The following RGR variants were observed in gnomAD, a reference collection of about 807,000 sequenced individuals.
RGR encodes RPE-retinal G protein-coupled receptor.
In RGR, 30 loss-of-function variants were observed where a neutral mutation model predicts 28.6. The observed-to-expected ratio is 1.05, with a 90% CI of 0.78 to 1.42. RGR has a LOEUF of 1.42. Among genes scored for constraint, RGR ranks in the 40% most tolerant of loss-of-function variants. The probability of loss-of-function intolerance (pLI) is 0.00; values close to 1 mark genes in which losing one functional copy is unlikely to be tolerated. For synonymous variants in RGR, 180 were observed against 156.4 expected, an observed-to-expected ratio of 1.15 and a Z score of -1.13; for missense variants, 404 against 375.6, an observed-to-expected ratio of 1.08 and a Z score of -0.62.
At chr10:84,249,973 T>C (rs1301775197) in intron 3 of RGR, among the ~76,000 whole-genome samples, 1 of 152,220 alleles carries the variant, frequency 6.6e-6, no homozygotes, top group Non-Finnish European at 1.5e-5. Context: ...AGGTTTAATG[T>C]TCTTATAATT....
intron 5 of RGR, 78 bp downstream of exon 5, chr10:84,254,521 A>C: frequency 8.5e-7 from 1 of 1,177,452 alleles, no homozygotes; most frequent in East Asian, 2.3e-5. Flanking sequence ...AAAGAATTGG[A>C]TGTGACACAC....
In RGR at chr10:84,258,025, C is replaced by A; in HGVS notation, c.744+19C>A. 2 of 1,578,892 alleles carry A rather than the reference C, an allele frequency of 1.3e-6. No individual in the cohort carries two copies. Among genetic ancestry groups the A allele is most frequent in the Non-Finnish European group, 1.7e-6 (2 of 1,148,092 alleles). The stretch of plus-strand genomic sequence containing the variant: ...GCAGATGGTACAGATACTTCTAGTA[C>A]CTAAAACTAGACCCCTCTCCATCTT... On this transcript the variant is annotated intron_variant, in intron 6 of 6. Transcript: ENST00000652092.
At chr10:84,248,895 G>A in intron 2 of RGR, 27 bp from the exon 3 acceptor site, 1 of 1,614,212 alleles carries the variant, frequency 6.2e-7, no homozygotes, top group Non-Finnish European at 8.5e-7. Flanking sequence ...CGGAGGAGAG[G>A]TCACTGGTGC....
intron 3 of RGR, among the ~76,000 whole-genome samples, chr10:84,251,942 A>G (rs1191458766): frequency 6.6e-6 from 1 of 152,198 alleles, no homozygotes. Flanking sequence ...GGTTGTAGAC[A>G]TGCTCTTCTC....
At chr10:84,255,845 T>C (rs1384318017) in intron 5 of RGR, among the ~76,000 whole-genome samples, 16 of 146,932 alleles carry the variant, frequency 1.1e-4, no homozygotes, top group Admixed American at 9.5e-4. Context: ...CTGCCTCAGC[T>C]TCCCGAGTAC....
chr10:84,251,346 T>G (rs1842816089), intron 3 of RGR, among the ~76,000 whole-genome samples: 1 of 152,208 alleles, frequency 6.6e-6, no homozygotes, highest in South Asian at 2.1e-4. Context: ...TGTCTTAGTC[T>G]GCCCAGGCTC....
chr10:84,258,069 A>C (rs1027283779), intron 6 of RGR, 63 bp downstream of exon 6: 6 of 1,388,256 alleles, frequency 4.3e-6, no homozygotes, highest in Non-Finnish European at 6.1e-6. Context: ...GTCTCATCTC[A>C]TCTCACTTTC....
Position 84,259,160 on chromosome 10 carries a change from TA to T in RGR, c.*525del, listed in dbSNP as rs1265150720. 5.9e-6 allele frequency: 1 copy of T among 169,088 alleles called. No homozygotes were observed. The highest frequency in any genetic ancestry group is 1.3e-5 in the Non-Finnish European group (1 of 76,696). 10.5% of individuals were successfully genotyped at this position (169,088 alleles called of 1,614,324 possible). Reference sequence around the variant, plus strand: ...CTTTCTGTTTTTGAGTTATTTCACTTAAAATAATGACCTCCAGTTTCATCCA... The same window carrying T: ...CTTTCTGTTTTTGAGTTATTTCACTTAAATAATGACCTCCAGTTTCATCCA... On this transcript the variant is annotated 3_prime_UTR_variant, in exon 7 of 7. Transcript: ENST00000652092.
At chr10:84,253,486 A>T (rs550698964) in intron 4 of RGR, among the ~76,000 whole-genome samples, 1 of 152,292 alleles carries the variant, frequency 6.6e-6, no homozygotes, top group South Asian at 2.1e-4. Context: ...GACAGAATGC[A>T]TGAGGGTCCC....
At chr10:84,248,228 G>A (rs1428391939) in intron 2 of RGR, 10 of 1,226,498 alleles carry the variant, frequency 8.2e-6, no homozygotes, top group Admixed American at 3.2e-5. Context: ...GGCTCCTGGA[G>A]TGGAGGGACA....
At chr10:84,258,165 C>T (rs1259763604) in intron 6 of RGR, among the ~76,000 whole-genome samples, 159 bp downstream of exon 6, 1 of 152,152 alleles carries the variant, frequency 6.6e-6, no homozygotes. Flanking sequence ...AGTTTGCCCC[C>T]CTAATCCCCC....
At chr10:84,249,480 T>C (rs1342251014) in intron 3 of RGR, among the ~76,000 whole-genome samples, 1 of 152,110 alleles carries the variant, frequency 6.6e-6, no homozygotes, top group East Asian at 1.9e-4. Context: ...ACCTGGCTAA[T>C]TTTTGTATTT....
intron 2 of RGR, chr10:84,248,387 A>C: frequency 1.7e-5 from 4 of 241,320 alleles, no homozygotes; most frequent in South Asian, 6.8e-5. Context: ...GGACATTCTC[A>C]TTCTGGTTTT....
Position 84,258,719 on chromosome 10 carries a change from ACACT to A in RGR, c.*84_*87del. The A allele has an allele frequency of 6.3e-7, 1 of 1,596,332 alleles. No individual in the cohort carries two copies. Among genetic ancestry groups the A allele is most frequent in the South Asian group, 1.1e-5 (1 of 90,096 alleles). ...CAGCAGCCTCAGTGGCCAAGCCCAG[ACACT>A]CACCCACCTTCCCCAGTGGCCCCGT... On this transcript the variant is annotated 3_prime_UTR_variant, in exon 7 of 7. Transcript: ENST00000652092.
chr10:84,250,564 CAGAT>C, intron 3 of RGR: 1 of 654,424 alleles, frequency 1.5e-6, no homozygotes, highest in Non-Finnish European at 2.8e-6. Context: ...ACCACCTTCT[CAGAT>C]AGCAACAGGC....
intron 3 of RGR, chr10:84,250,667 T>C (rs1842805167): frequency 1.1e-5 from 6 of 524,056 alleles, no homozygotes; most frequent in Non-Finnish European, 2.1e-5. Context: ...CAGAGCAGTG[T>C]GAAGGCAGGC....
chr10:84,245,292 G>T, intron 1 of RGR, 123 bp downstream of exon 1: 1 of 892,916 alleles, frequency 1.1e-6, no homozygotes, highest in Non-Finnish European at 1.7e-6. Flanking sequence ...CGGTCCCATT[G>T]GCTGCCTTCC....
intron 5 of RGR, among the ~76,000 whole-genome samples, chr10:84,256,776 A>G (rs1490440237): frequency 6.6e-6 from 1 of 152,102 alleles, no homozygotes; most frequent in Non-Finnish European, 1.5e-5. Flanking sequence ...GCCGGGAGAC[A>G]AGGCTGCCAC....
Position 84,258,505 on chromosome 10 carries a change from C to T in RGR, c.745-3C>T, listed in dbSNP as rs766477578. 3.7e-6 allele frequency: 6 copies of T among 1,614,234 alleles called. No homozygotes were observed. The highest frequency in any genetic ancestry group is 4.2e-6 in the Non-Finnish European group (5 of 1,180,034). On this transcript the variant is annotated splice_polypyrimidine_tract_variant and splice_region_variant and intron_variant, in intron 6 of 6. Coordinates refer to ENST00000652092, the MANE Select transcript of RGR (RefSeq NM_001012720.2). ...TCTTTTCTGGACTTTTCTGCCACAA[C>T]AGGTGCCCGCCCTCATTGCCAAAAT...
Sources: gnomAD v4.1 joint callset for allele counts (sites outside exome capture counted in the v4.1 genomes callset) on GRCh38, gnomAD v4.1.1 for gene constraint, MANE v1.5 for transcripts, NCBI Gene and HGNC (gene_info 2026-07-23, HGNC 2026-07-21) for gene names.